The following LOXL2 variants were observed in gnomAD, a reference collection of about 807,000 sequenced individuals.
LOXL2 encodes the protein lysyl oxidase homolog 2.
Under a neutral mutation model 93.0 loss-of-function variants are expected in LOXL2, and 70 were observed. That is an observed-to-expected ratio of 0.75 (90% CI 0.62 to 0.92). The LOEUF (loss-of-function observed/expected upper bound fraction) is 0.92. Ranked by LOEUF, LOXL2 falls within the 40% of genes least tolerant of loss-of-function variation. The pLI is 0.00. For synonymous variants in LOXL2, 438 were observed against 413.2 expected (o/e 1.06, Z -0.73); for missense variants, 973 against 1,054.9 (o/e 0.92, Z 1.08).
At chr8:23,358,704 C>T (rs1181379735) in intron 3 of LOXL2, among the ~76,000 whole-genome samples, 1 of 152,190 alleles carries the variant, frequency 6.6e-6, no homozygotes, top group African/African-American at 2.4e-5. Flanking sequence ...TGAAATTTAG[C>T]CATAAATGTG....
chr8:23,306,435 A>T (rs1460983493), intron 10 of LOXL2, among the ~76,000 whole-genome samples: 1 of 152,222 alleles, frequency 6.6e-6, no homozygotes, highest in East Asian at 1.9e-4. Flanking sequence ...CCATCCCAGA[A>T]GGAGCTGCCA....
Position 23,341,194 on chromosome 8 carries a change from T to C in LOXL2, c.541A>G (p.Ile181Val). The C allele has an allele frequency of 6.2e-7, 1 of 1,612,834 alleles. No homozygotes were observed. Among genetic ancestry groups the C allele is most frequent in the South Asian group, 1.1e-5 (1 of 91,044 alleles). ...SLINQIENLN[I>V]QVEDIRIRAI... The stretch of plus-strand genomic sequence containing the variant: ...CGAATCCGAATGTCCTCCACCTGGA[T>C]ATTCAGGTTCTGGGAAGAAAGAGGC... The change falls in exon 4 of 14, where the codon ATC (isoleucine) becomes GTC (valine). Residue 181 changes from isoleucine (I) to valine (V), a missense_variant. Coordinates refer to ENST00000389131, the MANE Select transcript of LOXL2 (RefSeq NM_002318.3).
chr8:23,402,134 GCA>G (rs1375625513), intron 1 of LOXL2, among the ~76,000 whole-genome samples: 1 of 151,982 alleles, frequency 6.6e-6, no homozygotes, highest in Non-Finnish European at 1.5e-5. Context: ...ATACAGGTGT[GCA>G]CACATGCACA....
chr8:23,344,301 T>A (rs1416647751), intron 3 of LOXL2, among the ~76,000 whole-genome samples: 2 of 152,172 alleles, frequency 1.3e-5, no homozygotes, highest in African/African-American at 4.8e-5. Context: ...CCGGGGGTCA[T>A]TATCCTCATT....
chr8:23,388,403 T>A (rs1053484099), intron 1 of LOXL2, among the ~76,000 whole-genome samples: 1 of 151,962 alleles, frequency 6.6e-6, no homozygotes, highest in Non-Finnish European at 1.5e-5. Context: ...CATAGGGAGA[T>A]CCTGTCTCTA....
intron 8 of LOXL2, 69 bp downstream of exon 8, chr8:23,319,816 G>A (rs1035436281): frequency 6.5e-5 from 98 of 1,512,544 alleles, no homozygotes; most frequent in Admixed American, 1.7e-4. Context: ...GGAGAGGGGG[G>A]CTGACTGAAG....
intron 1 of LOXL2, among the ~76,000 whole-genome samples, chr8:23,381,715 A>G (rs68028202): frequency 6.6e-6 from 1 of 151,884 alleles, no homozygotes; most frequent in Non-Finnish European, 1.5e-5. Context: ...TATCCTTCCA[A>G]CCTCAGGGAG....
chr8:23,349,626 C>A (rs1000884208), intron 3 of LOXL2, among the ~76,000 whole-genome samples: 5 of 151,922 alleles, frequency 3.3e-5, no homozygotes, highest in African/African-American at 1.2e-4. Context: ...TCTGGTGACT[C>A]ATTGAGTTCT....
At position 23,368,286 on chromosome 8, in the gene LOXL2, CA is replaced by C. The variant is rs774250858; in HGVS notation, c.65del (p.Leu22ArgfsTer102). On this transcript the variant is annotated frameshift_variant, in exon 2 of 14. Transcript: ENST00000389131. LOFTEE classifies it high-confidence loss of function. ...GCCAGCTGTCATACTGTGCCAGGCT[CA>C]GGGGGGACAGGAGGGCCAGCATAGC... ...CLAMLALLSP[L>X]SLAQYDSWPH... The C allele has an allele frequency of 4.3e-6, 7 of 1,613,460 alleles. No individual in the cohort carries two copies. The highest frequency in any genetic ancestry group is 4.0e-5 in the African/African-American group (3 of 74,920).
At chr8:23,320,897 G>C (rs1458104304) in intron 7 of LOXL2, among the ~76,000 whole-genome samples, 1 of 69,892 alleles carries the variant, frequency 1.4e-5, no homozygotes, top group African/African-American at 4.3e-5. Flanking sequence ...AACAGAGCAA[G>C]ACCGTCTCAA....
At chr8:23,397,717 GC>G (rs1397239758) in intron 1 of LOXL2, among the ~76,000 whole-genome samples, 1 of 150,500 alleles carries the variant, frequency 6.6e-6, no homozygotes, top group Non-Finnish European at 1.5e-5. Flanking sequence ...GGCGGAGCTT[GC>G]AGTGAGCCGA....
Position 23,368,063 on chromosome 8 carries a change from A to G in LOXL2, c.289T>C (p.Cys97Arg), listed in dbSNP as rs749293667. Residue 97 changes from cysteine (C) to arginine (R), a missense_variant, in exon 2 of 14, where the codon TGC (cysteine) becomes CGC (arginine). Coordinates refer to ENST00000389131, the MANE Select transcript of LOXL2 (RefSeq NM_002318.3). Reference sequence around the variant, plus strand: ...GCCTCCACGTAGCCCAGCTCCCGGCAGACGACGTGGGCAGCGTGGATGGAG... The same window carrying G: ...GCCTCCACGTAGCCCAGCTCCCGGCGGACGACGTGGGCAGCGTGGATGGAG... The part of the protein sequence containing the change: ...DFSIHAAHVV[C>R]RELGYVEAKS... 1.2e-6 allele frequency: 2 copies of G among 1,614,060 alleles called. No homozygotes were observed. The highest frequency in any genetic ancestry group is 2.2e-5 in the South Asian group (2 of 91,086).
intron 8 of LOXL2, among the ~76,000 whole-genome samples, 172 bp downstream of exon 8, chr8:23,319,713 T>C (rs1434106942): frequency 2.6e-5 from 4 of 152,080 alleles, no homozygotes; most frequent in Admixed American, 2.0e-4. Flanking sequence ...CTCAGGCCTG[T>C]AAGGAGCAGC....
At chr8:23,302,974 G>A (rs929173627) in intron 11 of LOXL2, among the ~76,000 whole-genome samples, 9 of 152,172 alleles carry the variant, frequency 5.9e-5, no homozygotes, top group South Asian at 2.1e-4. Flanking sequence ...AGGGGCATAC[G>A]CATCAGGGTC....
At chr8:23,377,314 A>G (rs1324527818) in intron 1 of LOXL2, among the ~76,000 whole-genome samples, 1 of 152,152 alleles carries the variant, frequency 6.6e-6, no homozygotes, top group Non-Finnish European at 1.5e-5. Flanking sequence ...ACAGTTTGTT[A>G]TAATTTCTGT....
chr8:23,363,524 C>T (rs1362350088), intron 2 of LOXL2: 3 of 152,226 alleles, frequency 2.0e-5, no homozygotes, highest in African/African-American at 7.2e-5. Context: ...GAAGACCCTC[C>T]ATGTTCTAAG....
chr8:23,381,278 T>A lies in LOXL2; in HGVS notation c.-83-12844A>T, dbSNP rs1804677561. Among the ~76,000 whole-genome samples, 4 of 152,314 alleles carry A rather than the reference T, an allele frequency of 2.6e-5. No individual in the cohort carries two copies. The South Asian group carries it at 8.3e-4, about 32-fold the overall frequency. ...ATACATAATAATCAAGTTTCTAAAT[T>A]TCTTACTGCTGTAAACATTGTTGTA... On this transcript the variant is annotated intron_variant, in intron 1 of 13. Coordinates refer to ENST00000389131, the MANE Select transcript of LOXL2 (RefSeq NM_002318.3).
In LOXL2 at chr8:23,320,048, C is replaced by T. The variant is rs768279370; in HGVS notation, c.1307G>A (p.Arg436His). Residue 436 changes from arginine to histidine, a missense_variant, in exon 8 of 14, where the codon CGC becomes CAC. By Grantham distance (29) the Arg-to-His change is conservative. Transcript: ENST00000389131. ...GTAGGGATTGCGGCCGCCGTTCAGG[C>T]GCAGCTGCAGACACAAAGGCAGGCC... is the stretch of plus-strand genomic sequence containing the variant. ...TPAMGLQKKL[R>H]LNGGRNPYEG... 9.9e-6 allele frequency: 16 copies of T among 1,613,756 alleles called. No individual in the cohort carries two copies. Among genetic ancestry groups the T allele is most frequent in the African/African-American group, 6.7e-5 (5 of 74,926 alleles).
chr8:23,362,112 G>A (rs915286368), intron 2 of LOXL2, among the ~76,000 whole-genome samples: 3 of 152,302 alleles, frequency 2.0e-5, no homozygotes, highest in Non-Finnish European at 1.5e-5. Context: ...AGCAACCCAA[G>A]TCTCCATTAA....
Sources: gnomAD v4.1 joint callset for allele counts (sites outside exome capture counted in the v4.1 genomes callset) on GRCh38, gnomAD v4.1.1 for gene constraint, MANE v1.5 for transcripts, NCBI Gene and HGNC (gene_info 2026-07-23, HGNC 2026-07-21) for gene names.